Variants in MYO3A observed in about 807,000 individuals in gnomAD.
MYO3A encodes the protein myosin IIIA, also known as myosin-IIIa.
MYO3A carries 180 observed loss-of-function variants against 192.7 expected under a neutral mutation model. The observed-to-expected ratio is 0.93, with a 90% CI of 0.83 to 1.06. The LOEUF is 1.06. MYO3A is among the 50% of genes least tolerant of loss of function. The probability of loss-of-function intolerance (pLI) is 0.00; values close to 1 mark genes in which losing one functional copy is unlikely to be tolerated. For synonymous variants in MYO3A, 628 were observed against 645.3 expected (o/e 0.97, Z 0.41); for missense variants, 1,896 against 1,905.0 (o/e 1.00, Z 0.09).
At chr10:26,029,419 A>C (rs990657142) in intron 10 of MYO3A, among the ~76,000 whole-genome samples, 2 of 152,144 alleles carry the variant, frequency 1.3e-5, no homozygotes, top group Admixed American at 1.3e-4. Context: ...CATGTCTTGC[A>C]ATTTCTCTGT....
In MYO3A at chr10:26,196,461, A is replaced by C. The variant is rs557378379; in HGVS notation, c.4545+3150A>C. The stretch of plus-strand genomic sequence containing the variant: ...AGTGACTATATTTCCATACATCCTA[A>C]GTCATTAGGGAATAGGATCCTTTTT... On this transcript the variant is annotated intron_variant, in intron 32 of 34. Transcript: ENST00000642920. Among the ~76,000 whole-genome samples the C allele has an allele frequency of 9.8e-5, 15 of 152,322 alleles. 1 individual carries two copies. The highest frequency in any genetic ancestry group is 9.8e-4 in the Admixed American group (15 of 15,304).
At chr10:25,969,795 C>A (rs1036160436) in intron 4 of MYO3A, among the ~76,000 whole-genome samples, 1 of 151,810 alleles carries the variant, frequency 6.6e-6, no homozygotes. Flanking sequence ...ATTGTAATAC[C>A]CAACTACAAA....
intron 23 of MYO3A, among the ~76,000 whole-genome samples, chr10:26,152,932 T>G (rs1356297411): frequency 6.6e-6 from 1 of 152,184 alleles, no homozygotes; most frequent in Non-Finnish European, 1.5e-5. Flanking sequence ...TAGGCCAGCC[T>G]TTTGCAACCA....
rs151254539 is a variant in MYO3A at position 26,120,727 on chromosome 10, A to T, written c.1828A>T (p.Ile610Phe). The T allele has an allele frequency of 3.7e-6, 6 of 1,614,126 alleles. No individual in the cohort carries two copies. The highest frequency in any genetic ancestry group is 5.1e-6 in the Non-Finnish European group (6 of 1,179,992). The change falls in exon 18 of 35, where the codon ATT becomes TTT. Residue 610 changes from isoleucine to phenylalanine, a missense_variant. Ile to Phe is a conservative substitution (Grantham distance 21, BLOSUM62 0). Transcript: ENST00000642920. ...CGCTGCAATCTTGAATGTTGGCAAC[A>T]TTGAATTTTCTTCTGTGGCAACTGA... is the stretch of plus-strand genomic sequence containing the variant. The part of the protein sequence containing the change: ...ILAAILNVGN[I>F]EFSSVATEHQ...
chr10:26,062,775 G>A (rs1265760020), intron 10 of MYO3A, among the ~76,000 whole-genome samples: 2 of 152,082 alleles, frequency 1.3e-5, no homozygotes, highest in Non-Finnish European at 2.9e-5. Context: ...GATACAGCAA[G>A]CTACACAGGA....
chr10:26,157,504 C>T lies in MYO3A; in HGVS notation c.2988C>T (p.Asn996=). Residue 996 remains asparagine (N), a synonymous_variant, in exon 26 of 35, where the codon AAC becomes AAT. Coordinates refer to ENST00000642920, the MANE Select transcript of MYO3A (RefSeq NM_017433.5). Reference sequence around the variant, plus strand: ...TCTCCCATCGGATACTTTTTGCTAACTTTATAAAGCGGTATGTGGATTTCT... The same window carrying T: ...TCTCCCATCGGATACTTTTTGCTAATTTTATAAAGCGGTATGTGGATTTCT... ...LGFSHRILFA[N]FIKRYYLLCY... 6.2e-7 allele frequency: 1 copy of T among 1,613,680 alleles called. No homozygotes were observed. Among genetic ancestry groups the T allele is most frequent in the Non-Finnish European group, 8.5e-7 (1 of 1,179,646 alleles).
rs1256182264 is a variant in MYO3A, at chr10:26,069,613, A to G, written c.1171-498A>G. 2.6e-5 allele frequency among the ~76,000 whole-genome samples: 4 copies of G among 151,970 alleles called. No individual in the cohort carries two copies. The South Asian group carries it at 6.2e-4, about 24-fold the overall frequency. ...ACAGTAAATTTATGAGCCTTGACCT[A>G]TGTTTCAGGAGATACGGGTTTTGGT... is the stretch of plus-strand genomic sequence containing the variant. On this transcript the variant is annotated intron_variant, in intron 12 of 34. Transcript: ENST00000642920.
Position 26,005,947 on chromosome 10 carries a change from G to T in MYO3A, c.508+8689G>T. 1.3e-5 allele frequency among the ~76,000 whole-genome samples: 2 copies of T among 152,052 alleles called. 1 individual carries two copies. Among genetic ancestry groups the T allele is most frequent in the Non-Finnish European group, 2.9e-5 (2 of 68,004 alleles). On this transcript the variant is annotated intron_variant, in intron 6 of 34. Coordinates refer to ENST00000642920, the MANE Select transcript of MYO3A (RefSeq NM_017433.5). ...AAGGTCTTTATAATTATTATGTAAA[G>T]TTGAACCATGAATAAGTGGACTCTT...
At chr10:26,117,425 A>G (rs896677711) in intron 17 of MYO3A, among the ~76,000 whole-genome samples, 2 of 152,178 alleles carry the variant, frequency 1.3e-5, no homozygotes, top group African/African-American at 4.8e-5. Flanking sequence ...TCACCCAGGT[A>G]TTAAGCCTGG....
intron 34 of MYO3A, among the ~76,000 whole-genome samples, chr10:26,203,332 G>A (rs571593712): frequency 2.6e-5 from 4 of 152,054 alleles, no homozygotes; most frequent in Admixed American, 2.0e-4. Context: ...CTGTTTTCTT[G>A]GAGTAATTAT....
chr10:26,098,697 G>C (rs1837227602), intron 17 of MYO3A, among the ~76,000 whole-genome samples: 1 of 152,150 alleles, frequency 6.6e-6, no homozygotes, highest in African/African-American at 2.4e-5. Flanking sequence ...GTTTTTGTCA[G>C]GTTTGTCAAA....
At chr10:26,178,033 TGAA>T (rs1842417328) in intron 31 of MYO3A, among the ~76,000 whole-genome samples, 1 of 152,208 alleles carries the variant, frequency 6.6e-6, no homozygotes, top group African/African-American at 2.4e-5. Context: ...CCTCCTGCTG[TGAA>T]GAAGAGAGAC....
intron 19 of MYO3A, among the ~76,000 whole-genome samples, chr10:26,127,658 C>T (rs1016697838): frequency 6.6e-6 from 1 of 151,304 alleles, no homozygotes; most frequent in East Asian, 1.9e-4. Context: ...ATGATGAACA[C>T]AAAGAGAAGC....
chr10:26,004,836 A>G (rs1476744767), intron 6 of MYO3A, among the ~76,000 whole-genome samples: 1 of 152,192 alleles, frequency 6.6e-6, no homozygotes, highest in Non-Finnish European at 1.5e-5. Context: ...ATACTGTCAT[A>G]AATACATACA....
chr10:25,987,662 CCTCA>C (rs1482875359), intron 4 of MYO3A, among the ~76,000 whole-genome samples: 8 of 151,364 alleles, frequency 5.3e-5, no homozygotes, highest in African/African-American at 1.9e-4. Flanking sequence ...TGTGAAACCA[CCTCA>C]CTCCTTCAAG....
chr10:26,089,522 AC>A (rs1383012765), intron 15 of MYO3A, among the ~76,000 whole-genome samples: 1 of 151,696 alleles, frequency 6.6e-6, no homozygotes, highest in African/African-American at 2.4e-5. Flanking sequence ...AATGGCGTGA[AC>A]CCAGGAGGCG....
chr10:26,179,398 T>G (rs1383107796), intron 31 of MYO3A, among the ~76,000 whole-genome samples: 1 of 152,142 alleles, frequency 6.6e-6, no homozygotes, highest in Non-Finnish European at 1.5e-5. Context: ...CCACTGCACC[T>G]GACCTAATTT....
chr10:26,082,195 T>C (rs1564530255), intron 14 of MYO3A, among the ~76,000 whole-genome samples: 1 of 152,208 alleles, frequency 6.6e-6, no homozygotes, highest in Admixed American at 6.5e-5. Context: ...ATGGATATTT[T>C]AACAACATTA....
intron 10 of MYO3A, among the ~76,000 whole-genome samples, chr10:26,045,503 T>C (rs570178998): frequency 2.4e-4 from 37 of 152,322 alleles, no homozygotes; most frequent in African/African-American, 8.9e-4. Flanking sequence ...CCTGAGTGAC[T>C]AAAACAATAA....
Sources: allele counts gnomAD v4.1 joint callset (sites outside exome capture counted in the v4.1 genomes callset), GRCh38; gene constraint gnomAD v4.1.1; transcripts MANE v1.5; gene names NCBI Gene and HGNC (gene_info 2026-07-23, HGNC 2026-07-21).